Variants in NELL1 observed in about 807,000 individuals in gnomAD.
NELL1 encodes neural EGFL like 1.
Under a neutral mutation model 107.4 loss-of-function variants are expected in NELL1, and 76 were observed. The observed-to-expected ratio is 0.71, with a 90% CI of 0.59 to 0.86. The LOEUF (loss-of-function observed/expected upper bound fraction) is 0.86, where lower values mean the gene tolerates loss of function less well. Ranked by LOEUF, NELL1 falls within the 40% of genes least tolerant of loss-of-function variation. The pLI is 0.00. For synonymous variants in NELL1, 353 were observed against 341.2 expected, an observed-to-expected ratio of 1.03 and a Z score of -0.38; for missense variants, 1,024 against 1,005.5, an observed-to-expected ratio of 1.02 and a Z score of -0.25.
intron 13 of NELL1, among the ~76,000 whole-genome samples, chr11:21,187,970 A>G (rs1485059976): frequency 6.6e-6 from 1 of 151,846 alleles, no homozygotes; most frequent in Admixed American, 6.6e-5. Context: ...CAGGTAATTG[A>G]TGATACCTGT....
chr11:21,206,522 A>G (rs1857393055), intron 13 of NELL1, among the ~76,000 whole-genome samples: 1 of 152,192 alleles, frequency 6.6e-6, no homozygotes, highest in African/African-American at 2.4e-5. Flanking sequence ...AGGAATATGA[A>G]GATACATTGA....
intron 5 of NELL1, among the ~76,000 whole-genome samples, chr11:20,909,241 T>A (rs1200485119): frequency 2.6e-5 from 4 of 152,168 alleles, no homozygotes; most frequent in African/African-American, 4.8e-5. Flanking sequence ...AAAGTTTGAT[T>A]AATAGTGGTG....
intron 12 of NELL1, among the ~76,000 whole-genome samples, chr11:21,095,611 T>C (rs1300296858): frequency 6.6e-6 from 1 of 150,872 alleles, no homozygotes; most frequent in Non-Finnish European, 1.5e-5. Context: ...AAGTCACGTC[T>C]TTTTTCTTTT....
chr11:21,239,752 A>G (rs1487624875), intron 14 of NELL1, among the ~76,000 whole-genome samples: 1 of 152,062 alleles, frequency 6.6e-6, no homozygotes. Context: ...TCCCACATCT[A>G]TCTTTGTTCT....
chr11:21,272,434 G>A (rs906499123), intron 14 of NELL1, among the ~76,000 whole-genome samples: 2 of 152,224 alleles, frequency 1.3e-5, no homozygotes, highest in African/African-American at 4.8e-5. Flanking sequence ...GCCCACCGCA[G>A]CTCAAGGAGG....
At chr11:21,294,041 T>A (rs1453862923) in intron 14 of NELL1, among the ~76,000 whole-genome samples, 1 of 152,122 alleles carries the variant, frequency 6.6e-6, no homozygotes, top group Non-Finnish European at 1.5e-5. Context: ...CAAACTGGTA[T>A]GTTCTGCACA....
At chr11:21,204,257 A>AGATTTAGT (rs1857339165) in intron 13 of NELL1, among the ~76,000 whole-genome samples, 1 of 152,206 alleles carries the variant, frequency 6.6e-6, no homozygotes, top group Non-Finnish European at 1.5e-5. Context: ...AATCAAATGT[A>AGATTTAGT]GATTTAGTTT....
At chr11:21,433,926 C>T (rs1022343222) in intron 15 of NELL1, among the ~76,000 whole-genome samples, 11 of 152,116 alleles carry the variant, frequency 7.2e-5, no homozygotes, top group Non-Finnish European at 1.5e-4. Context: ...CTGCCCGCCT[C>T]GGCCTCCCAA....
At chr11:20,822,052 T>G (rs1169041379) in intron 3 of NELL1, among the ~76,000 whole-genome samples, 1 of 152,232 alleles carries the variant, frequency 6.6e-6, no homozygotes, top group Non-Finnish European at 1.5e-5. Flanking sequence ...CTGTGTTTAG[T>G]TAAGTTCATA....
At chr11:20,848,961 CAG>C (rs1848749345) in intron 4 of NELL1, among the ~76,000 whole-genome samples, 1 of 152,212 alleles carries the variant, frequency 6.6e-6, no homozygotes, top group African/African-American at 2.4e-5. Flanking sequence ...TATGTCTGGA[CAG>C]AGTTTCCATA....
intron 2 of NELL1, among the ~76,000 whole-genome samples, chr11:20,781,928 A>G (rs1856858754): frequency 6.7e-6 from 1 of 150,142 alleles, no homozygotes. Flanking sequence ...TGTGGTCCCA[A>G]CTACTTGGGA....
intron 15 of NELL1, among the ~76,000 whole-genome samples, chr11:21,402,612 A>G (rs1244116888): frequency 6.6e-6 from 1 of 151,484 alleles, no homozygotes; most frequent in Non-Finnish European, 1.5e-5. Context: ...GAGTATTCTA[A>G]CTAATGCTTG....
intron 15 of NELL1, among the ~76,000 whole-genome samples, chr11:21,519,941 C>T (rs2133954406): frequency 6.6e-6 from 1 of 152,230 alleles, no homozygotes; most frequent in African/African-American, 2.4e-5. Flanking sequence ...ATGACATTGA[C>T]ACCTTTTTAA....
chr11:21,320,353 A>C (rs1319880427), intron 14 of NELL1, among the ~76,000 whole-genome samples: 4 of 152,188 alleles, frequency 2.6e-5, no homozygotes, highest in African/African-American at 9.7e-5. Context: ...GGAAGCCTTT[A>C]ATCTTTTATT....
intron 14 of NELL1, among the ~76,000 whole-genome samples, chr11:21,241,222 G>C (rs761494785): frequency 6.6e-6 from 1 of 152,038 alleles, no homozygotes; most frequent in Non-Finnish European, 1.5e-5. Flanking sequence ...CAATATGTAG[G>C]CTATCTACTG....
chr11:21,190,446 A>G (rs1261096968), intron 13 of NELL1, among the ~76,000 whole-genome samples: 2 of 151,900 alleles, frequency 1.3e-5, no homozygotes, highest in Non-Finnish European at 2.9e-5. Context: ...TCATCCAGAC[A>G]CTGGTGTCCC....
At chr11:21,083,960 C>A (rs1480095459) in intron 12 of NELL1, among the ~76,000 whole-genome samples, 1 of 152,016 alleles carries the variant, frequency 6.6e-6, no homozygotes, top group African/African-American at 2.4e-5. Context: ...ATACAAGGAG[C>A]CTTATAAAAT....
intron 15 of NELL1, among the ~76,000 whole-genome samples, chr11:21,526,972 C>A (rs775749312): frequency 8.5e-5 from 13 of 152,330 alleles, no homozygotes; most frequent in Non-Finnish European, 1.9e-4. Flanking sequence ...ATGCAAATTT[C>A]TGCTGCCTGC....
In NELL1 at chr11:21,096,043, C is replaced by G. The variant is rs74813204; in HGVS notation, c.1301-17546C>G. Among the ~76,000 whole-genome samples, 1,130 of 152,262 alleles carry G rather than the reference C, an allele frequency of 7.4e-3. 15 individuals carry two copies. The highest frequency in any genetic ancestry group is 0.026 in the African/African-American group (1,082 of 41,538). ...AAGGGAAAGTCTTGCCCCCATGATT[C>G]AATTACCTCCCAACAGTCTCTCCCA... On this transcript the variant is annotated intron_variant, in intron 12 of 19. Coordinates refer to ENST00000357134, the MANE Select transcript of NELL1 (RefSeq NM_006157.5).
Sources: gnomAD v4.1 joint callset for allele counts (sites outside exome capture counted in the v4.1 genomes callset) on GRCh38, gnomAD v4.1.1 for gene constraint, MANE v1.5 for transcripts, NCBI Gene and HGNC (gene_info 2026-07-23, HGNC 2026-07-21) for gene names.